Variants in GPC6 observed in about 807,000 individuals in gnomAD.
The protein encoded by GPC6 is glypican 6.
Under a neutral mutation model 55.2 loss-of-function variants are expected in GPC6, and 14 were observed. The ratio of observed to expected loss-of-function variants is 0.25; its 90% CI spans 0.17 to 0.40. GPC6 has a LOEUF of 0.40. Ranked by LOEUF, GPC6 falls within the 10% of genes least tolerant of loss-of-function variation. The probability of loss-of-function intolerance (pLI) is 1.00; values close to 1 mark genes in which losing one functional copy is unlikely to be tolerated. For missense variants in GPC6, 641 were observed against 708.5 expected, an observed-to-expected ratio of 0.90 and a Z score of 1.08; for synonymous variants, 278 against 259.6, an observed-to-expected ratio of 1.07 and a Z score of -0.68.
chr13:93,679,286 A>C (rs978110564), intron 2 of GPC6, among the ~76,000 whole-genome samples: 4 of 152,114 alleles, frequency 2.6e-5, no homozygotes, highest in Non-Finnish European at 5.9e-5. Flanking sequence ...TGGACCAATA[A>C]TGGGAAATTC....
chr13:93,231,352 T>C (rs1238023672), intron 1 of GPC6, among the ~76,000 whole-genome samples: 1 of 30,722 alleles, frequency 3.3e-5, no homozygotes, highest in African/African-American at 1.7e-4. Context: ...TATACATATA[T>C]ATATATACGT....
At chr13:93,474,129 T>C (rs1034458345) in intron 1 of GPC6, among the ~76,000 whole-genome samples, 1 of 152,194 alleles carries the variant, frequency 6.6e-6, no homozygotes, top group African/African-American at 2.4e-5. Flanking sequence ...ATATTTTTAG[T>C]GGTCAGTTAA....
chr13:94,054,993 T>G (rs1288243804), intron 4 of GPC6, among the ~76,000 whole-genome samples: 1 of 152,158 alleles, frequency 6.6e-6, no homozygotes, highest in East Asian at 1.9e-4. Flanking sequence ...ACAAAACGTA[T>G]TTGAAAAATG....
the GPC6 span, among the ~76,000 whole-genome samples, chr13:93,219,923 A>C: frequency 6.6e-6 from 1 of 152,130 alleles, no homozygotes; most frequent in Non-Finnish European, 1.5e-5. Context: ...TCATCAAAAA[A>C]TTATATCTTT....
At chr13:93,330,948 A>G (rs899942804) in intron 1 of GPC6, among the ~76,000 whole-genome samples, 1 of 152,184 alleles carries the variant, frequency 6.6e-6, no homozygotes, top group Non-Finnish European at 1.5e-5. Flanking sequence ...CCTGATTATC[A>G]TAAGCCTCAC....
At chr13:93,657,852 A>G (rs1294764240) in intron 2 of GPC6, among the ~76,000 whole-genome samples, 2 of 152,152 alleles carry the variant, frequency 1.3e-5, no homozygotes, top group Non-Finnish European at 2.9e-5. Context: ...ATTTGAAAAA[A>G]TGCTCAGCAT....
intron 1 of GPC6, among the ~76,000 whole-genome samples, chr13:93,540,962 A>C (rs1882270715): frequency 6.6e-6 from 1 of 151,978 alleles, no homozygotes; most frequent in Non-Finnish European, 1.5e-5. Flanking sequence ...CTTCTTCGCT[A>C]TTTCGCTTAA....
At chr13:93,683,747 T>G (rs1303144932) in intron 2 of GPC6, among the ~76,000 whole-genome samples, 1 of 152,186 alleles carries the variant, frequency 6.6e-6, no homozygotes, top group Non-Finnish European at 1.5e-5. Context: ...ACCTTAATTA[T>G]TGTGGTGGGA....
rs1056101153 is a variant in GPC6 at position 93,569,180 on chromosome 13, G to A, written c.319+23759G>A. ...TTGTAGACCTGAACATGATATAATA[G>A]TCTTTATTCCTGAAGATAAATAAGA... On this transcript the variant is annotated intron_variant, in intron 2 of 8. Coordinates refer to ENST00000377047, the MANE Select transcript of GPC6 (RefSeq NM_005708.5). Among the ~76,000 whole-genome samples, 8 of 152,208 alleles carry A rather than the reference G, an allele frequency of 5.3e-5. No individual in the cohort carries two copies. In the South Asian group the frequency reaches 8.3e-4, roughly 16 times the overall value.
At chr13:93,408,343 G>A (rs557398806) in intron 1 of GPC6, among the ~76,000 whole-genome samples, 1 of 152,258 alleles carries the variant, frequency 6.6e-6, no homozygotes, top group African/African-American at 2.4e-5. Context: ...GGGTGTAACA[G>A]GATGGGTACA....
At chr13:94,115,347 T>C (rs1188759070) in intron 4 of GPC6, among the ~76,000 whole-genome samples, 1 of 151,812 alleles carries the variant, frequency 6.6e-6, no homozygotes, top group East Asian at 1.9e-4. Context: ...AAGGGGTTGG[T>C]GGGGGGGTGT....
intron 4 of GPC6, among the ~76,000 whole-genome samples, chr13:94,173,630 C>T (rs1888648267): frequency 6.6e-6 from 1 of 152,148 alleles, no homozygotes. Flanking sequence ...ATTTAGGTTT[C>T]AGTGTATGCC....
intron 4 of GPC6, among the ~76,000 whole-genome samples, chr13:94,068,935 G>A (rs1884631739): frequency 6.6e-6 from 1 of 152,162 alleles, no homozygotes; most frequent in South Asian, 2.1e-4. Context: ...AGCTATCAGT[G>A]GATCTACCAT....
chr13:93,404,166 T>G (rs1876197773), intron 1 of GPC6, among the ~76,000 whole-genome samples: 1 of 152,164 alleles, frequency 6.6e-6, no homozygotes, highest in African/African-American at 2.4e-5. Context: ...TTTATTTTCA[T>G]TTTTGAATAT....
At chr13:94,143,882 T>A (rs1188978) in intron 4 of GPC6, among the ~76,000 whole-genome samples, 136,770 of 152,210 alleles carry the variant, frequency 0.9, 61,544 homozygotes, top group East Asian at 0.99. Flanking sequence ...CAGTGAGATC[T>A]TCTCAAAAAT....
intron 1 of GPC6, among the ~76,000 whole-genome samples, chr13:93,296,771 C>T (rs2139088129): frequency 6.6e-6 from 1 of 152,316 alleles, no homozygotes; most frequent in East Asian, 1.9e-4. Flanking sequence ...TCTTGGGACT[C>T]TCCATGCAGA....
intron 4 of GPC6, among the ~76,000 whole-genome samples, chr13:94,270,770 A>G (rs987473551): frequency 6.6e-6 from 1 of 152,152 alleles, no homozygotes; most frequent in African/African-American, 2.4e-5. Context: ...AGACCAGAAT[A>G]TACCACTGCA....
chr13:94,091,883 G>A (rs946905376), intron 4 of GPC6, among the ~76,000 whole-genome samples: 2 of 136,104 alleles, frequency 1.5e-5, no homozygotes, highest in African/African-American at 2.8e-5. Flanking sequence ...CACAGAACTC[G>A]AGATCAAATT....
chr13:93,650,918 CTAT>C (rs752467129), intron 2 of GPC6, among the ~76,000 whole-genome samples: 2 of 152,016 alleles, frequency 1.3e-5, no homozygotes, highest in Non-Finnish European at 2.9e-5. Context: ...ACTGTCAGCA[CTAT>C]TAATTGTGGG....
Sources: allele counts gnomAD v4.1 joint callset (sites outside exome capture counted in the v4.1 genomes callset), GRCh38; gene constraint gnomAD v4.1.1; transcripts MANE v1.5; gene names NCBI Gene and HGNC (gene_info 2026-07-23, HGNC 2026-07-21).